The following SPTB variants were observed in gnomAD, a reference collection of about 807,000 sequenced individuals.
The protein encoded by SPTB is spectrin beta, erythrocytic.
Under a neutral mutation model 256.2 loss-of-function variants are expected in SPTB, and 45 were observed. The ratio of observed to expected loss-of-function variants is 0.18; its 90% CI spans 0.14 to 0.23. SPTB has a LOEUF of 0.23. Ranked by LOEUF, SPTB falls within the 10% of genes least tolerant of loss-of-function variation. The pLI is 1.00. For synonymous variants in SPTB, 1,231 were observed against 1,243.1 expected, an observed-to-expected ratio of 0.99 and a Z score of 0.21; for missense variants, 2,715 against 3,040.4, an observed-to-expected ratio of 0.89 and a Z score of 2.52.
chr14:64,841,752 T>C lies in SPTB; in HGVS notation c.-51-18607A>G, dbSNP rs2083610758. ...CCCTCTGACATCCCATATATATATA[T>C]ATATTTTTTAAGGGTCTTTCTTTAA... On this transcript the variant is annotated intron_variant, in intron 1 of 35. Transcript: ENST00000644917. The surrounding 1 kb of genome is among the most constrained non-coding windows in gnomAD (Gnocchi z 4.6). 6.6e-6 allele frequency among the ~76,000 whole-genome samples: 1 copy of C among 151,846 alleles called. No individual in the cohort carries two copies. Among genetic ancestry groups the C allele is most frequent in the Non-Finnish European group, 1.5e-5 (1 of 67,964 alleles).
chr14:64,837,566 CTTTT>C (rs1221205445), intron 1 of SPTB, among the ~76,000 whole-genome samples: 2 of 152,068 alleles, frequency 1.3e-5, no homozygotes, highest in Admixed American at 1.3e-4. Flanking sequence ...CCCAGGAGAA[CTTTT>C]TTTGAGAAAT....
intron 33 of SPTB, among the ~76,000 whole-genome samples, chr14:64,752,861 ACTG>A (rs2081971252): frequency 6.6e-6 from 1 of 152,008 alleles, no homozygotes; most frequent in African/African-American, 2.4e-5. Flanking sequence ...GGGACCCTGG[ACTG>A]CTGCTAGAAA....
rs1383116839 is a variant in SPTB, at chr14:64,845,383, C to G, written c.-51-22238G>C. 6.6e-6 allele frequency among the ~76,000 whole-genome samples: 1 copy of G among 152,224 alleles called. No individual in the cohort carries two copies. The highest frequency in any genetic ancestry group is 1.5e-5 in the Non-Finnish European group (1 of 68,042). ...CAGAACAGATACTGGCTGTGTGGCACAAGTGGCTGTGTGCCTTTGGAAACT... is the reference window on the plus strand; with the variant it reads ...CAGAACAGATACTGGCTGTGTGGCAGAAGTGGCTGTGTGCCTTTGGAAACT... On this transcript the variant is annotated intron_variant, in intron 1 of 35. Coordinates refer to ENST00000644917, the MANE Select transcript of SPTB (RefSeq NM_001355436.2). The surrounding 1 kb of genome is among the most constrained non-coding windows in gnomAD (Gnocchi z 4.8).
At chr14:64,871,416 T>A (rs1438810514) in intron 1 of SPTB, among the ~76,000 whole-genome samples, 2 of 152,214 alleles carry the variant, frequency 1.3e-5, no homozygotes, top group East Asian at 3.8e-4. Flanking sequence ...AAGCCAACTT[T>A]ATGAGTTTGG....
Position 64,793,887 on chromosome 14 carries a change from G to A in SPTB, c.1796-20C>T, listed in dbSNP as rs1279506257. 2 of 1,590,060 alleles carry A rather than the reference G, an allele frequency of 1.3e-6. No homozygotes were observed. The highest frequency in any genetic ancestry group is 1.3e-5 in the African/African-American group (1 of 74,462). ...GGTACCCTGGAAGAAATAGGGGGAAGGAGGACAAAGTGGGGGATGGGCTTC... is the reference window on the plus strand; with the variant it reads ...GGTACCCTGGAAGAAATAGGGGGAAAGAGGACAAAGTGGGGGATGGGCTTC... On this transcript the variant is annotated intron_variant, in intron 13 of 35. Transcript: ENST00000644917. The surrounding 1 kb of genome is among the most constrained non-coding windows in gnomAD (Gnocchi z 7.0).
At position 64,795,996 on chromosome 14, in the gene SPTB, C is replaced by A. The variant is rs113822925; in HGVS notation, c.1342-357G>T. ...AAGGGGCTGCTTCTCACTCGGAAACCCATGCACCAGCAAACAGATGGTTTA... is the reference window on the plus strand; with the variant it reads ...AAGGGGCTGCTTCTCACTCGGAAACACATGCACCAGCAAACAGATGGTTTA... On this transcript the variant is annotated intron_variant, in intron 11 of 35. Transcript: ENST00000644917. This position sits in a 1 kb window ranked among gnomAD's most constrained non-coding sequence, Gnocchi z 6.5. Among the ~76,000 whole-genome samples the A allele has an allele frequency of 6.6e-6, 1 of 152,164 alleles. No homozygotes were observed. Among genetic ancestry groups the A allele is most frequent in the African/African-American group, 2.4e-5 (1 of 41,436 alleles).
At chr14:64,867,367 C>A (rs192939447) in intron 1 of SPTB, among the ~76,000 whole-genome samples, 64 of 152,304 alleles carry the variant, frequency 4.2e-4, no homozygotes, top group African/African-American at 1.5e-3. Flanking sequence ...GGACATCAGA[C>A]ACTGTCTCTT....
chr14:64,781,199 G>A (rs2082465482), intron 20 of SPTB, among the ~76,000 whole-genome samples: 1 of 152,188 alleles, frequency 6.6e-6, no homozygotes, highest in Non-Finnish European at 1.5e-5. Flanking sequence ...AAAAGAAATT[G>A]AAACAAAAGC....
chr14:64,793,558 C>A lies in SPTB; in HGVS notation c.2105G>T (p.Gly702Val), dbSNP rs2082714238. The change falls in exon 14 of 36, where the codon GGC becomes GTC. Residue 702 changes from glycine (G) to valine (V), a missense_variant. Physicochemically the swap from Gly to Val is moderately radical, Grantham distance 109 (BLOSUM62 -3). Around this residue, in one of 4 missense-constraint regions of SPTB, gnomAD observed 2,239 missense variants for 2,384.4 expected, o/e 0.94. Transcript: ENST00000644917. The surrounding 1 kb of genome is among the most constrained non-coding windows in gnomAD (Gnocchi z 7.0). ...HLEQIFQEAH[G>V]MVARKQFGHP... ...CCCAAACTGCTTGCGCGCAACCATG[C>A]CATGAGCCTCCTGGAAGATCTGCTC... 6.2e-7 allele frequency: 1 copy of A among 1,614,062 alleles called. No homozygotes were observed. Among genetic ancestry groups the A allele is most frequent in the African/African-American group, 1.3e-5 (1 of 74,924 alleles).
rs376523884 is a variant in SPTB at position 64,797,827 on chromosome 14, G to T, written c.1084C>A (p.Leu362Met). The T allele has an allele frequency of 1.9e-6, 3 of 1,613,840 alleles. No homozygotes were observed. In the African/African-American group the frequency reaches 4.0e-5, roughly 22 times the overall value. Residue 362 changes from leucine to methionine, a missense_variant, in exon 10 of 36, where the codon CTG (leucine) becomes ATG (methionine). Leu to Met is a conservative substitution (Grantham distance 15). This residue lies in a region of SPTB where 416 missense variants were observed against 571.1 expected (regional missense o/e 0.73). Transcript: ENST00000644917. ...KPPKFQEKGN[L>M]EVLLFTIQSR... ...TGGATGGTAAAAAGTAGAACTTCCA[G>T]ATTCCCCTTCTCTTGAAACCTGTCA...
At chr14:64,755,494 G>T (rs2082006812) in intron 32 of SPTB, 1 of 152,202 alleles carries the variant, frequency 6.6e-6, no homozygotes, top group Non-Finnish European at 1.5e-5. Flanking sequence ...TTCATTTAAA[G>T]AAAGGGTTAT....
At chr14:64,784,501 GCAAGCA>G in intron 18 of SPTB, 108 bp from the exon 19 acceptor site, 1 of 1,439,828 alleles carries the variant, frequency 6.9e-7, no homozygotes. Context: ...GGGAGGAAGT[GCAAGCA>G]CAGAAGAGAA....
In SPTB at chr14:64,819,378, G is replaced by A. The variant is rs193225899; in HGVS notation, c.148+3569C>T. On this transcript the variant is annotated intron_variant, in intron 2 of 35. Coordinates refer to ENST00000644917, the MANE Select transcript of SPTB (RefSeq NM_001355436.2). ...GATCACATCCAGTCACCCCAATTCA[G>A]GTCTTCCAACCATAGGTCATTAAAT... 5.9e-5 allele frequency among the ~76,000 whole-genome samples: 9 copies of A among 152,304 alleles called. No individual in the cohort carries two copies. The East Asian group carries it at 1.5e-3, about 26-fold the overall frequency.
At position 64,766,090 on chromosome 14, in the gene SPTB, G is replaced by A. The variant is rs572664371; in HGVS notation, c.6345+636C>T. Among the ~76,000 whole-genome samples the A allele has an allele frequency of 3.2e-4, 47 of 148,466 alleles. No homozygotes were observed. The South Asian group carries it at 6.2e-3, about 20-fold the overall frequency. On this transcript the variant is annotated intron_variant, in intron 32 of 35. Transcript: ENST00000644917. The stretch of plus-strand genomic sequence containing the variant: ...GGGGGTGTGGTCTGTATGAGTATGC[G>A]TGTGTGGGTGTGTGTGGATGTGTGT...
At chr14:64,791,966 T>C in intron 14 of SPTB, 110 bp from the exon 15 acceptor site, 1 of 1,442,484 alleles carries the variant, frequency 6.9e-7, no homozygotes, top group Non-Finnish European at 9.5e-7. Flanking sequence ...CTCCTTCCAC[T>C]GCCTAAACCA....
intron 33 of SPTB, 40 bp from the exon 34 acceptor site, chr14:64,750,194 A>G (rs1387592256): frequency 6.2e-7 from 1 of 1,601,788 alleles, no homozygotes; most frequent in Non-Finnish European, 8.5e-7. Context: ...ACATCCTGAT[A>G]TGGTATCTCT....
chr14:64,779,935 A>G lies in SPTB; in HGVS notation c.4267-4T>C, dbSNP rs2082434654. On this transcript the variant is annotated splice_region_variant and splice_polypyrimidine_tract_variant and intron_variant, in intron 20 of 35. Transcript: ENST00000644917. This position sits in a 1 kb window ranked among gnomAD's most constrained non-coding sequence, Gnocchi z 4.2. ...CATTCACTTGGTCCTCCACTCGCTGAGACACAAGGGGACGGTGTCAGCACC... is the reference window on the plus strand; with the variant it reads ...CATTCACTTGGTCCTCCACTCGCTGGGACACAAGGGGACGGTGTCAGCACC... 6.2e-7 allele frequency: 1 copy of G among 1,613,458 alleles called. No homozygotes were observed. The highest frequency in any genetic ancestry group is 1.1e-5 in the South Asian group (1 of 91,074).
At chr14:64,773,177 G>T (rs745781624) in intron 25 of SPTB, 43 bp downstream of exon 25, 1 of 1,610,496 alleles carries the variant, frequency 6.2e-7, no homozygotes, top group Non-Finnish European at 8.5e-7. Flanking sequence ...TGCGTCTACC[G>T]CATTAGAGAA....
At chr14:64,832,921 T>C (rs143495614) in intron 1 of SPTB, among the ~76,000 whole-genome samples, 92 of 152,360 alleles carry the variant, frequency 6.0e-4, no homozygotes, top group Non-Finnish European at 9.0e-4. Context: ...GCCCATTTTC[T>C]ACACTGAGGC....
Sources: allele counts gnomAD v4.1 joint callset (sites outside exome capture counted in the v4.1 genomes callset), GRCh38; gene constraint gnomAD v4.1.1; regional missense constraint gnomAD v4.1.1; non-coding constraint Gnocchi (gnomAD v3.1); transcripts MANE v1.5; gene names NCBI Gene and HGNC (gene_info 2026-07-23, HGNC 2026-07-21).